CTNNA2: variants seen among roughly 807,000 people sequenced by gnomAD.
The protein encoded by CTNNA2 is catenin alpha 2.
CTNNA2 carries 42 observed loss-of-function variants against 101.0 expected under a neutral mutation model. The observed-to-expected ratio is 0.42, with a 90% CI of 0.32 to 0.54. The LOEUF (loss-of-function observed/expected upper bound fraction) is 0.54. CTNNA2 is among the 20% of genes least tolerant of loss of function. The pLI is 0.14. For synonymous variants in CTNNA2, 450 were observed against 456.4 expected (o/e 0.99, Z 0.18); for missense variants, 871 against 1,223.1 (o/e 0.71, Z 4.29).
intron 1 of CTNNA2, among the ~76,000 whole-genome samples, chr2:79,578,493 C>A (rs1675936273): frequency 6.6e-6 from 1 of 151,860 alleles, no homozygotes; most frequent in South Asian, 2.1e-4. Flanking sequence ...ATTCTATATT[C>A]TCCTCAAAGT....
chr2:79,989,873 C>G (rs569416235), intron 7 of CTNNA2, among the ~76,000 whole-genome samples: 2 of 152,248 alleles, frequency 1.3e-5, no homozygotes, highest in East Asian at 3.9e-4. Context: ...AATCCAGTAG[C>G]TGAATAAGTT....
chr2:80,232,512 C>T (rs758515036), intron 7 of CTNNA2, among the ~76,000 whole-genome samples: 6 of 151,612 alleles, frequency 4.0e-5, no homozygotes, highest in Non-Finnish European at 8.8e-5. Context: ...TAGAGGTAAT[C>T]TGGGCTGAGC....
intron 7 of CTNNA2, among the ~76,000 whole-genome samples, chr2:80,286,933 T>C (rs907217484): frequency 6.6e-6 from 1 of 152,200 alleles, no homozygotes; most frequent in African/African-American, 2.4e-5. Context: ...ACTAACTGAA[T>C]TGAACTGATA....
intron 9 of CTNNA2, among the ~76,000 whole-genome samples, chr2:80,439,097 T>C (rs1321707504): frequency 7.2e-5 from 11 of 152,204 alleles, no homozygotes; most frequent in Non-Finnish European, 1.6e-4. Flanking sequence ...AGGACAATAA[T>C]GATATTGAAT....
chr2:79,272,174 G>C (rs114350665), intron 2 of CTNNA2, among the ~76,000 whole-genome samples: 1,607 of 151,998 alleles, frequency 0.011, 20 homozygotes, highest in African/African-American at 0.036. Flanking sequence ...AATCACTTAA[G>C]GTAGACAACT....
At chr2:79,788,506 T>C (rs895400363) in intron 3 of CTNNA2, among the ~76,000 whole-genome samples, 2 of 152,168 alleles carry the variant, frequency 1.3e-5, no homozygotes, top group Non-Finnish European at 2.9e-5. Flanking sequence ...GAATCAGAGG[T>C]TGGCAGTCAT....
intron 2 of CTNNA2, among the ~76,000 whole-genome samples, chr2:79,215,188 G>T (rs1267554317): frequency 6.6e-6 from 1 of 152,194 alleles, no homozygotes; most frequent in African/African-American, 2.4e-5. Context: ...CCGATTTTCA[G>T]TGGGGTCCTG....
intron 5 of CTNNA2, among the ~76,000 whole-genome samples, chr2:79,872,090 A>G (rs991879540): frequency 5.9e-5 from 9 of 152,354 alleles, no homozygotes; most frequent in Admixed American, 1.3e-4. Context: ...ATCTTCACAT[A>G]TTAATGCATT....
chr2:80,085,095 G>C (rs1177091917), intron 7 of CTNNA2, among the ~76,000 whole-genome samples: 3 of 152,104 alleles, frequency 2.0e-5, no homozygotes, highest in African/African-American at 7.2e-5. Context: ...CATTCTAGAT[G>C]TGTCAGTGAG....
chr2:79,501,266 G>A lies in CTNNA2; in HGVS notation c.-134-3788G>A, dbSNP rs74854899. On this transcript the variant is annotated intron_variant, in intron 4 of 21. Transcript: ENST00000466387. ...ATTATCTGTTGTGGCTTTATTCAAA[G>A]TTTATTTTTCTGTTTATTTATTTAT... Among the ~76,000 whole-genome samples, 1,769 of 152,184 alleles carry A rather than the reference G, an allele frequency of 0.012. 90 individuals carry two copies. In the East Asian group the frequency reaches 0.14, roughly 12 times the overall value.
At chr2:79,553,895 A>G (rs533525725) in intron 1 of CTNNA2, among the ~76,000 whole-genome samples, 10 of 152,278 alleles carry the variant, frequency 6.6e-5, no homozygotes, top group Non-Finnish European at 1.5e-4. Context: ...CCACCTGGGG[A>G]GGTATGTGGA....
chr2:79,875,056 G>A (rs1318820597), intron 6 of CTNNA2, among the ~76,000 whole-genome samples: 6 of 152,150 alleles, frequency 3.9e-5, no homozygotes, highest in South Asian at 4.1e-4. Flanking sequence ...ACAGGACCCT[G>A]GTCTTCATTA....
chr2:79,993,402 C>T (rs183584232), intron 7 of CTNNA2, among the ~76,000 whole-genome samples: 134 of 152,278 alleles, frequency 8.8e-4, no homozygotes, highest in Middle Eastern at 6.8e-3. Context: ...CTTGGCACAT[C>T]TTCAGACTTT....
rs72818628 is a variant in CTNNA2 at position 79,307,323 on chromosome 2, C to T, written c.-405-5386C>T. On this transcript the variant is annotated intron_variant, in intron 2 of 21. Coordinates refer to the CTNNA2 transcript ENST00000466387. The stretch of plus-strand genomic sequence containing the variant: ...ATAGTCTTCCTACAGTGCTATAGAG[C>T]ACCGGAACTTACTCCTCCGATCTAG... Among the ~76,000 whole-genome samples, 806 of 146,682 alleles carry T rather than the reference C, an allele frequency of 5.5e-3. 2 individuals are homozygous for T. Among genetic ancestry groups the T allele is most frequent in the Non-Finnish European group, 8.6e-3 (577 of 66,746 alleles).
intron 3 of CTNNA2, among the ~76,000 whole-genome samples, chr2:79,337,292 G>A (rs529109134): frequency 1.2e-4 from 19 of 152,280 alleles, no homozygotes; most frequent in African/African-American, 2.6e-4. Context: ...AAAACACACC[G>A]TGGGGGTTTA....
At chr2:79,295,733 C>T (rs1415419402) in intron 2 of CTNNA2, among the ~76,000 whole-genome samples, 1 of 152,074 alleles carries the variant, frequency 6.6e-6, no homozygotes, top group African/African-American at 2.4e-5. Flanking sequence ...GGAAACTACC[C>T]TCCATTCCAA....
chr2:80,410,957 C>G (rs949388647), intron 8 of CTNNA2, among the ~76,000 whole-genome samples: 4 of 152,196 alleles, frequency 2.6e-5, no homozygotes, highest in African/African-American at 9.6e-5. Context: ...TAGATTGTCA[C>G]AGTATCAAGC....
At chr2:79,846,809 A>G (rs1328054423) in intron 3 of CTNNA2, among the ~76,000 whole-genome samples, 1 of 152,252 alleles carries the variant, frequency 6.6e-6, no homozygotes, top group African/African-American at 2.4e-5. Flanking sequence ...TGTCTTTCAA[A>G]TATATGTAGT....
rs140058833 is a variant in CTNNA2, at chr2:79,845,485, A to T, written c.299-12528A>T. On this transcript the variant is annotated intron_variant, in intron 3 of 18. Coordinates refer to ENST00000402739, the MANE Select transcript of CTNNA2 (RefSeq NM_001282597.3). ...TGCGCACTAAGAGAGTAAGGACAAG[A>T]TGTCACTGCTATCCAAATCTCCCAA... 7.9e-5 allele frequency among the ~76,000 whole-genome samples: 12 copies of T among 152,302 alleles called. No individual in the cohort carries two copies. In the East Asian group the frequency reaches 2.3e-3, roughly 29 times the overall value.
Sources: gnomAD v4.1 joint callset for allele counts (sites outside exome capture counted in the v4.1 genomes callset) on GRCh38, gnomAD v4.1.1 for gene constraint, MANE v1.5 for transcripts, NCBI Gene and HGNC (gene_info 2026-07-23, HGNC 2026-07-21) for gene names.